Variants in PTPRU observed in about 807,000 individuals in gnomAD.
The protein encoded by PTPRU is receptor-type tyrosine-protein phosphatase U.
In PTPRU, 69 loss-of-function variants were observed where a neutral mutation model predicts 166.3. The ratio of observed to expected loss-of-function variants is 0.41; its 90% confidence interval spans 0.34 to 0.51. PTPRU has a LOEUF of 0.51. PTPRU is among the 20% of genes least tolerant of loss of function. The pLI, the probability that PTPRU is intolerant of heterozygous loss-of-function variation, is 0.09. For missense variants in PTPRU, 1,657 were observed against 2,013.7 expected (o/e 0.82, Z 3.39); for synonymous variants, 793 against 814.0 (o/e 0.97, Z 0.44).
intron 17 of PTPRU, 78 bp from the exon 18 acceptor site, chr1:29,305,274 G>A: frequency 7.1e-7 from 1 of 1,412,078 alleles, no homozygotes; most frequent in East Asian, 2.3e-5. Context: ...CTATCCCCTA[G>A]CCTCCAGGAA....
chr1:29,236,740 G>T lies in PTPRU; in HGVS notation c.73+23G>T. On this transcript the variant is annotated intron_variant, in intron 1 of 29. Coordinates refer to ENST00000373779, the MANE Select transcript of PTPRU (RefSeq NM_133178.4). The surrounding 1 kb of genome is among the most constrained non-coding windows in gnomAD (Gnocchi z 4.6). ...CAGGTAAGCGCGCGGCGGCCGGACC[G>T]AGCCTGCCCCGCCGAGCCTCGGGGC... The T allele has an allele frequency of 2.1e-6, 3 of 1,398,518 alleles. No homozygotes were observed. Among genetic ancestry groups the T allele is most frequent in the Non-Finnish European group, 2.8e-6 (3 of 1,080,284 alleles). The allele number at this position is 1,398,518 out of a possible 1,614,324, so 86.6% of individuals were successfully genotyped here. A position where few individuals can be genotyped will look rare whatever the true frequency, so the allele number is the denominator to read the frequency against.
intron 15 of PTPRU, among the ~76,000 whole-genome samples, chr1:29,292,330 C>T (rs1686679149): frequency 6.6e-6 from 1 of 152,184 alleles, no homozygotes; most frequent in Admixed American, 6.5e-5. Flanking sequence ...CCTTATTGAG[C>T]ACCTGTTATG....
Position 29,275,672 on chromosome 1 carries a change from CG to C in PTPRU, c.1371del (p.Asn458ThrfsTer4). 6.2e-7 allele frequency: 1 copy of C among 1,614,168 alleles called. No individual in the cohort carries two copies. ...RYTIKNLLPY[R>X]NVHVRLVLTN... ...CACCATCAAGAACCTGCTGCCCTAT[CG>C]GAACGTTCACGTGAGGCTTGTCCTC... On this transcript the variant is annotated frameshift_variant, in exon 8 of 30. Transcript: ENST00000373779. LOFTEE classifies it high-confidence loss of function.
intron 1 of PTPRU, among the ~76,000 whole-genome samples, chr1:29,239,821 C>G (rs1376787373): frequency 6.6e-6 from 1 of 152,000 alleles, no homozygotes; most frequent in East Asian, 1.9e-4. Flanking sequence ...AGACTCCAGC[C>G]TCCTCCTTCC....
Position 29,260,110 on chromosome 1 carries a change from C to CGGGCGCGGGGGGG in PTPRU, c.850+70_850+71insGCGGGGGGGGGGC. The CGGGCGCGGGGGGG allele has an allele frequency of 1.4e-6, 1 of 734,172 alleles. No individual in the cohort carries two copies. The highest frequency in any genetic ancestry group is 1.8e-6 in the Non-Finnish European group (1 of 562,418). 45.5% of individuals were successfully genotyped at this position (734,172 alleles called of 1,614,324 possible). On this transcript the variant is annotated intron_variant, in intron 6 of 29. Transcript: ENST00000373779. The surrounding 1 kb of genome is among the most constrained non-coding windows in gnomAD (Gnocchi z 8.3). ...CGAGGGGCGGGGCCGGCGACGGGGG[C>CGGGCGCGGGGGGG]GGGCTCTGCCCGGGGGCGTGGCCGT...
At chr1:29,265,375 T>A (rs1012121629) in intron 7 of PTPRU, among the ~76,000 whole-genome samples, 13 of 152,158 alleles carry the variant, frequency 8.5e-5, no homozygotes, top group Non-Finnish European at 1.6e-4. Flanking sequence ...TTCCTCTTTT[T>A]TTTTTGAGAT....
intron 28 of PTPRU, 92 bp downstream of exon 28, chr1:29,323,880 G>T: frequency 7.0e-7 from 1 of 1,422,434 alleles, no homozygotes; most frequent in Non-Finnish European, 9.4e-7. Flanking sequence ...TGGCTGGACT[G>T]CAAAGCTGGC....
rs191165784 is a variant in PTPRU at position 29,237,171 on chromosome 1, C to T, written c.73+454C>T. The stretch of plus-strand genomic sequence containing the variant: ...GAGTGGGTTGTGTGTTTGTGTTATG[C>T]CTGTGGCCAAGGGTGCTCTCTGGAT... On this transcript the variant is annotated intron_variant, in intron 1 of 29. Transcript: ENST00000373779. This position sits in a 1 kb window ranked among gnomAD's most constrained non-coding sequence, Gnocchi z 6.4. 3.2e-4 allele frequency among the ~76,000 whole-genome samples: 49 copies of T among 152,142 alleles called. No homozygotes were observed. The highest frequency in any genetic ancestry group is 1.2e-3 in the Admixed American group (18 of 15,286).
intron 7 of PTPRU, among the ~76,000 whole-genome samples, chr1:29,264,608 C>T (rs560169974): frequency 5.3e-5 from 8 of 151,824 alleles, no homozygotes; most frequent in East Asian, 1.9e-4. Context: ...CAGGTTCAAG[C>T]GATTCTCATG....
intron 15 of PTPRU, among the ~76,000 whole-genome samples, chr1:29,296,966 G>C (rs1203593976): frequency 2.0e-5 from 3 of 149,326 alleles, no homozygotes; most frequent in African/African-American, 7.4e-5. Context: ...TAAACTCAGT[G>C]TTATGCACTT....
At chr1:29,290,511 C>T (rs1443702037) in intron 14 of PTPRU, among the ~76,000 whole-genome samples, 1 of 152,246 alleles carries the variant, frequency 6.6e-6, no homozygotes, top group Admixed American at 6.5e-5. Context: ...GAACATTCCT[C>T]CTGCCCCTGT....
chr1:29,308,004 G>C (rs894660975), intron 18 of PTPRU, among the ~76,000 whole-genome samples: 5 of 152,024 alleles, frequency 3.3e-5, no homozygotes, highest in Admixed American at 3.3e-4. Context: ...TGATCCACCT[G>C]CCTTGGCCTC....
intron 7 of PTPRU, among the ~76,000 whole-genome samples, chr1:29,268,444 C>T (rs1685397785): frequency 6.6e-6 from 1 of 152,168 alleles, no homozygotes; most frequent in African/African-American, 2.4e-5. Context: ...GCCAGGGAAG[C>T]TGCTAAACAT....
At chr1:29,312,105 C>T (rs1267557870) in intron 21 of PTPRU, among the ~76,000 whole-genome samples, 2 of 152,232 alleles carry the variant, frequency 1.3e-5, no homozygotes, top group Non-Finnish European at 2.9e-5. Flanking sequence ...GGGCTTATGC[C>T]AGGCAGGAGA....
chr1:29,269,683 G>C (rs1005310229), intron 7 of PTPRU, among the ~76,000 whole-genome samples: 1 of 151,804 alleles, frequency 6.6e-6, no homozygotes, highest in Admixed American at 6.6e-5. Flanking sequence ...AACTCCCCTC[G>C]CACTATATTA....
chr1:29,304,794 C>T lies in PTPRU; in HGVS notation c.2688C>T (p.Asp896=), dbSNP rs147297333. ...QEYESFFEGW[D]ATKKKDKVKG... is the part of the protein sequence containing the mutation. ...GGTAGAGCTTCTTTGAAGGCTGGGA[C>T]GCCACAAAGAAGAAAGACAAGGTCA... Residue 896 remains aspartate (D), a synonymous_variant, in exon 17 of 30, where the codon GAC becomes GAT. Coordinates refer to ENST00000373779, the MANE Select transcript of PTPRU (RefSeq NM_133178.4). 413 of 1,611,994 alleles carry T rather than the reference C, an allele frequency of 2.6e-4. 1 individual carries two copies. The African/African-American group carries it at 2.8e-3, about 11-fold the overall frequency.
At chr1:29,312,115 A>G (rs940631895) in intron 21 of PTPRU, among the ~76,000 whole-genome samples, 1 of 152,230 alleles carries the variant, frequency 6.6e-6, no homozygotes, top group African/African-American at 2.4e-5. Flanking sequence ...CAGGCAGGAG[A>G]GGCCACATAG....
chr1:29,308,539 A>G (rs2151965462), intron 18 of PTPRU, among the ~76,000 whole-genome samples: 1 of 139,046 alleles, frequency 7.2e-6, no homozygotes, highest in Non-Finnish European at 1.5e-5. Context: ...TGCACTCCAG[A>G]CTGACCAACA....
rs370297342 is a variant in PTPRU at position 29,293,478 on chromosome 1, G to GTT, written c.2476+1465_2476+1466dup. The stretch of plus-strand genomic sequence containing the variant: ...CTACCTTTTTCGGGGGTAGTTTTTT[G>GTT]TTTTTTTTTTTTTTGAGACGGAGTC... On this transcript the variant is annotated intron_variant, in intron 15 of 29. Coordinates refer to ENST00000373779, the MANE Select transcript of PTPRU (RefSeq NM_133178.4). 4.4e-3 allele frequency among the ~76,000 whole-genome samples: 596 copies of GTT among 135,872 alleles called. 8 individuals are homozygous for GTT. Among genetic ancestry groups the GTT allele is most frequent in the African/African-American group, 0.013 (488 of 36,854 alleles). The allele number at this position is 135,872 out of a possible 152,430, so 89.1% of individuals were successfully genotyped here.
Sources: allele counts gnomAD v4.1 joint callset (sites outside exome capture counted in the v4.1 genomes callset), GRCh38; gene constraint gnomAD v4.1.1; non-coding constraint Gnocchi (gnomAD v3.1); transcripts MANE v1.5; gene names NCBI Gene and HGNC (gene_info 2026-07-23, HGNC 2026-07-21).